Variants in UNC80 observed in about 807,000 individuals in gnomAD.
UNC80 encodes the protein unc-80 subunit of NALCN channel complex.
UNC80 carries 164 observed loss-of-function variants against 384.6 expected under a neutral mutation model. That is an observed-to-expected ratio of 0.43 (90% CI 0.38 to 0.49). The LOEUF is 0.49. Among genes scored for constraint, UNC80 ranks in the 20% least tolerant of loss-of-function variants. The pLI is 0.00. For synonymous variants in UNC80, 1,486 were observed against 1,527.8 expected, an observed-to-expected ratio of 0.97 and a Z score of 0.64; for missense variants, 3,330 against 4,143.0, an observed-to-expected ratio of 0.80 and a Z score of 5.39.
At chr2:209,880,119 C>T (rs1405748813) in intron 24 of UNC80, among the ~76,000 whole-genome samples, 1 of 151,852 alleles carries the variant, frequency 6.6e-6, no homozygotes, top group Admixed American at 6.6e-5. Context: ...TTTCTGAACA[C>T]GTAAATAATA....
chr2:209,930,035 G>C, intron 37 of UNC80, 64 bp downstream of exon 37: 1 of 1,180,262 alleles, frequency 8.5e-7, no homozygotes, highest in South Asian at 1.7e-5. Context: ...TTAAAATCAT[G>C]CAAAGAACTT....
At chr2:209,971,143 C>G (rs2092872839) in intron 54 of UNC80, among the ~76,000 whole-genome samples, 186 bp downstream of exon 54, 1 of 152,172 alleles carries the variant, frequency 6.6e-6, no homozygotes, top group South Asian at 2.1e-4. Context: ...TTCTGTAATT[C>G]TTCTTGAGAT....
At chr2:209,952,431 T>G (rs2124992030) in intron 47 of UNC80, among the ~76,000 whole-genome samples, 1 of 152,328 alleles carries the variant, frequency 6.6e-6, no homozygotes, top group Non-Finnish European at 1.5e-5. Flanking sequence ...TTCACACTGC[T>G]AGGATCAGCC....
chr2:209,807,706 CAT>C (rs59616016), intron 7 of UNC80, among the ~76,000 whole-genome samples: 2,963 of 152,224 alleles, frequency 0.019, 100 homozygotes, highest in African/African-American at 0.067. Context: ...TTATTTCTCA[CAT>C]GTTAGTCTGC....
At chr2:209,874,225 G>A (rs1254094970) in intron 23 of UNC80, among the ~76,000 whole-genome samples, 1 of 152,076 alleles carries the variant, frequency 6.6e-6, no homozygotes, top group African/African-American at 2.4e-5. Flanking sequence ...TACAAGTCAA[G>A]CAGTGTCAAT....
intron 26 of UNC80, among the ~76,000 whole-genome samples, chr2:209,889,959 C>T (rs2086176245): frequency 6.6e-6 from 1 of 152,136 alleles, no homozygotes; most frequent in Non-Finnish European, 1.5e-5. Context: ...GATCCACCTG[C>T]CTCGGCCTCC....
chr2:209,967,762 C>T (rs551095621), intron 52 of UNC80, 125 bp downstream of exon 52: 3 of 874,128 alleles, frequency 3.4e-6, no homozygotes, highest in South Asian at 1.7e-5. Context: ...GGTATATGTG[C>T]ATAGTTAATA....
At chr2:209,870,316 A>G (rs1007092051) in intron 22 of UNC80, among the ~76,000 whole-genome samples, 2 of 152,206 alleles carry the variant, frequency 1.3e-5, no homozygotes, top group African/African-American at 2.4e-5. Flanking sequence ...TGTTTTAGAG[A>G]CAAACGTTCC....
chr2:209,901,876 C>T (rs377632872), intron 28 of UNC80, among the ~76,000 whole-genome samples: 7 of 151,866 alleles, frequency 4.6e-5, no homozygotes, highest in African/African-American at 1.7e-4. Context: ...TTGCAGTGAG[C>T]CGAGATCGCG....
At chr2:209,774,490 A>C (rs1262261549) in intron 2 of UNC80, among the ~76,000 whole-genome samples, 1 of 152,188 alleles carries the variant, frequency 6.6e-6, no homozygotes, top group Non-Finnish European at 1.5e-5. Context: ...ATATATATAT[A>C]TCTCAATATA....
At chr2:209,808,288 C>T (rs1051194071) in intron 7 of UNC80, among the ~76,000 whole-genome samples, 2 of 122,906 alleles carry the variant, frequency 1.6e-5, no homozygotes, top group Admixed American at 8.7e-5. Context: ...CAAGGCTGGG[C>T]GTGGTGGTTC....
intron 26 of UNC80, among the ~76,000 whole-genome samples, chr2:209,892,374 G>C (rs1321993381): frequency 1.3e-5 from 2 of 152,232 alleles, no homozygotes; most frequent in South Asian, 2.1e-4. Context: ...GGAGATAAAG[G>C]CTAAAATTCA....
At chr2:209,867,231 A>C (rs2083907130) in intron 22 of UNC80, among the ~76,000 whole-genome samples, 1 of 152,248 alleles carries the variant, frequency 6.6e-6, no homozygotes, top group Non-Finnish European at 1.5e-5. Context: ...CTACTGAATC[A>C]GAATATCTGG....
Position 209,931,003 on chromosome 2 carries a change from G to A in UNC80, c.5943G>A (p.Leu1981=), listed in dbSNP as rs2090819579. ...ELMYMLRKLL[L]NIGDFPAQTS... Reference sequence around the variant, plus strand: ...TGTACATGCTGCGCAAACTTCTCTTGAATATTGGAGACTTTCCTGCTCAGA... The same window carrying A: ...TGTACATGCTGCGCAAACTTCTCTTAAATATTGGAGACTTTCCTGCTCAGA... The change falls in exon 38 of 65, where the codon TTG becomes TTA. Residue 1981 remains leucine, a synonymous_variant. Coordinates refer to ENST00000673920, the MANE Select transcript of UNC80 (RefSeq NM_001371986.1). The A allele has an allele frequency of 6.5e-7, 1 of 1,550,376 alleles. No individual in the cohort carries two copies. Among genetic ancestry groups the A allele is most frequent in the African/African-American group, 1.4e-5 (1 of 72,988 alleles).
At chr2:209,887,267 G>A (rs913345255) in intron 25 of UNC80, among the ~76,000 whole-genome samples, 3 of 151,886 alleles carry the variant, frequency 2.0e-5, no homozygotes, top group African/African-American at 2.4e-5. Flanking sequence ...TCAAACTGCC[G>A]ACTTCAGGTG....
intron 7 of UNC80, among the ~76,000 whole-genome samples, chr2:209,801,679 C>G (rs2078565424): frequency 7.6e-6 from 1 of 132,352 alleles, no homozygotes; most frequent in Admixed American, 8.7e-5. Flanking sequence ...CCATGCCCGG[C>G]CAACCCCTGC....
At chr2:209,995,270 A>G in intron 64 of UNC80, 59 bp from the exon 65 acceptor site, 4 of 1,523,750 alleles carry the variant, frequency 2.6e-6, no homozygotes, top group Non-Finnish European at 3.5e-6. Context: ...ACATTTTTTG[A>G]TGTTCTTCTC....
Position 209,997,575 on chromosome 2 carries a change from T to G in UNC80, c.*1980T>G, listed in dbSNP as rs1156618125. 1 of 152,170 alleles carries G rather than the reference T, an allele frequency of 6.6e-6. No individual in the cohort carries two copies. Among genetic ancestry groups the G allele is most frequent in the African/African-American group, 2.4e-5 (1 of 41,444 alleles). The allele number at this position is 152,170 out of a possible 1,614,324, so 9.4% of individuals were successfully genotyped here. ...TATTCAACAAGAATCATAAATACCT[T>G]TATATGTATTTTAAAAGTATTGGGC... On this transcript the variant is annotated 3_prime_UTR_variant, in exon 65 of 65. Coordinates refer to ENST00000673920, the MANE Select transcript of UNC80 (RefSeq NM_001371986.1).
intron 2 of UNC80, among the ~76,000 whole-genome samples, chr2:209,774,804 C>G (rs2076773850): frequency 6.6e-6 from 1 of 152,122 alleles, no homozygotes; most frequent in Non-Finnish European, 1.5e-5. Flanking sequence ...TCATTATGCT[C>G]TTTACCAAAA....
Sources: gnomAD v4.1 joint callset for allele counts (sites outside exome capture counted in the v4.1 genomes callset) on GRCh38, gnomAD v4.1.1 for gene constraint, MANE v1.5 for transcripts, NCBI Gene and HGNC (gene_info 2026-07-23, HGNC 2026-07-21) for gene names.